The following IL1RAPL1 variants were observed in gnomAD, a reference collection of about 807,000 sequenced individuals.
IL1RAPL1 encodes the protein interleukin 1 receptor accessory protein like 1, also known as interleukin-1 receptor accessory protein-like 1.
Under a neutral mutation model 48.4 loss-of-function variants are expected in IL1RAPL1, and 3 were observed. That is an observed-to-expected ratio of 0.06 (90% CI 0.03 to 0.16). IL1RAPL1 has a LOEUF of 0.16. IL1RAPL1 is among the 10% of genes least tolerant of loss of function. IL1RAPL1 has a pLI of 1.00. For missense variants in IL1RAPL1, 349 were observed against 530.6 expected (o/e 0.66, Z 3.36); for synonymous variants, 185 against 187.7 (o/e 0.99, Z 0.12).
chrX:29,017,318 G>A lies in IL1RAPL1; in HGVS notation c.82+227893G>A, dbSNP rs1389164377. On this transcript the variant is annotated intron_variant, in intron 2 of 10. Coordinates refer to ENST00000378993, the MANE Select transcript of IL1RAPL1 (RefSeq NM_014271.4). ...CAATCTGCTTCTGTAGAATAAGAAT[G>A]AACGTGGAGTCTTTACCTGCTTATA... 5.4e-5 allele frequency among the ~76,000 whole-genome samples: 6 copies of A among 112,136 alleles called. No individual in the cohort carries two copies. The East Asian group carries it at 1.7e-3, about 31-fold the overall frequency.
intron 2 of IL1RAPL1, among the ~76,000 whole-genome samples, chrX:29,135,143 G>A (rs1345137076): frequency 9.0e-6 from 1 of 111,493 alleles, no homozygotes. Context: ...GCTTTGACTG[G>A]TTGATGCATA....
intron 3 of IL1RAPL1, among the ~76,000 whole-genome samples, chrX:29,389,355 CAAAA>C: frequency 1.9e-5 from 1 of 52,920 alleles, no homozygotes; most frequent in Admixed American, 2.4e-4. Flanking sequence ...GACTCCATCT[CAAAA>C]AAAAAAAAAA....
chrX:29,641,217 C>G (rs1925160244), intron 5 of IL1RAPL1, among the ~76,000 whole-genome samples: 1 of 111,338 alleles, frequency 9.0e-6, no homozygotes, highest in Admixed American at 9.4e-5. Flanking sequence ...CAAAGGAAAT[C>G]ACTAGTGAAT....
chrX:29,438,792 A>G (rs755083870), intron 5 of IL1RAPL1, among the ~76,000 whole-genome samples: 1 of 110,914 alleles, frequency 9.0e-6, no homozygotes, highest in African/African-American at 3.3e-5. Context: ...TTTATCCCCT[A>G]TCTAGGTATA....
At chrX:29,564,841 A>G (rs1057033234) in intron 5 of IL1RAPL1, among the ~76,000 whole-genome samples, 1 of 112,874 alleles carries the variant, frequency 8.9e-6, no homozygotes, top group Admixed American at 9.3e-5. Context: ...TCACGGTTCT[A>G]TAAGTCAGAA....
intron 2 of IL1RAPL1, among the ~76,000 whole-genome samples, chrX:28,897,865 G>GA (rs1274232832): frequency 1.8e-5 from 2 of 111,414 alleles, no homozygotes; most frequent in East Asian, 5.7e-4. Flanking sequence ...GTAGGTAAAG[G>GA]AAAATTACAG....
At chrX:28,733,534 A>G (rs1160583071) in intron 1 of IL1RAPL1, among the ~76,000 whole-genome samples, 4 of 111,526 alleles carry the variant, frequency 3.6e-5, no homozygotes, top group African/African-American at 1.3e-4. Flanking sequence ...TAGTTGACCT[A>G]TCAGCAACAA....
intron 1 of IL1RAPL1, among the ~76,000 whole-genome samples, chrX:28,641,001 G>C (rs960839741): frequency 1.8e-5 from 2 of 110,626 alleles, no homozygotes; most frequent in Non-Finnish European, 3.8e-5. Context: ...TCTCTAATAA[G>C]ATGGCCATAA....
chrX:29,336,304 GGTGTGTGTGT>G (rs375590826), intron 3 of IL1RAPL1, among the ~76,000 whole-genome samples: 3,481 of 70,805 alleles, frequency 0.049, 255 homozygotes, highest in African/African-American at 0.15. Flanking sequence ...ACCGTTTTGG[GGTGTGTGTGT>G]GTGTGTGTGT....
intron 6 of IL1RAPL1, among the ~76,000 whole-genome samples, chrX:29,716,941 G>A (rs1927500467): frequency 9.0e-6 from 1 of 110,566 alleles, no homozygotes; most frequent in South Asian, 3.8e-4. Flanking sequence ...ATTTTCTATT[G>A]ATATTGAATA....
chrX:29,030,604 G>A (rs1317385584), intron 2 of IL1RAPL1, among the ~76,000 whole-genome samples: 1 of 111,446 alleles, frequency 9.0e-6, no homozygotes, highest in African/African-American at 3.3e-5. Context: ...AAGTAAAATA[G>A]GACATTGACA....
At chrX:28,871,117 T>C (rs765692194) in intron 2 of IL1RAPL1, among the ~76,000 whole-genome samples, 9 of 112,010 alleles carry the variant, frequency 8.0e-5, no homozygotes, top group Non-Finnish European at 1.5e-4. Context: ...TCATTACATA[T>C]ACAAGTATGA....
chrX:29,451,371 T>G (rs1358705840), intron 5 of IL1RAPL1, among the ~76,000 whole-genome samples: 1 of 109,328 alleles, frequency 9.1e-6, no homozygotes, highest in Non-Finnish European at 1.9e-5. Flanking sequence ...ATTTTTTTAT[T>G]TTTAATAGAG....
intron 2 of IL1RAPL1, among the ~76,000 whole-genome samples, chrX:29,102,541 C>A (rs1272336262): frequency 9.1e-6 from 1 of 110,045 alleles, no homozygotes; most frequent in Non-Finnish European, 1.9e-5. Flanking sequence ...TGGCTCATGC[C>A]TGTGATCCCA....
chrX:29,453,175 T>A (rs1365808880), intron 5 of IL1RAPL1, among the ~76,000 whole-genome samples: 1 of 109,627 alleles, frequency 9.1e-6, no homozygotes, highest in African/African-American at 3.3e-5. Flanking sequence ...ATCCGCCACC[T>A]CGGCCTCCCA....
intron 5 of IL1RAPL1, among the ~76,000 whole-genome samples, chrX:29,486,829 A>C (rs1935102142): frequency 9.0e-6 from 1 of 110,980 alleles, no homozygotes; most frequent in African/African-American, 3.3e-5. Context: ...AAATTTTTAG[A>C]AAAAGGGAGT....
At chrX:29,068,497 T>C (rs1344206728) in intron 2 of IL1RAPL1, among the ~76,000 whole-genome samples, 1 of 112,398 alleles carries the variant, frequency 8.9e-6, no homozygotes, top group Non-Finnish European at 1.9e-5. Flanking sequence ...CCTGGAGGTA[T>C]AGGGAAAAGC....
intron 2 of IL1RAPL1, among the ~76,000 whole-genome samples, chrX:29,030,819 G>T (rs1325638559): frequency 9.0e-6 from 1 of 111,448 alleles, no homozygotes; most frequent in Non-Finnish European, 1.9e-5. Context: ...GAAGGCCAAA[G>T]ATAAGGTGAA....
intron 5 of IL1RAPL1, among the ~76,000 whole-genome samples, chrX:29,446,121 C>A (rs1029090813): frequency 2.7e-5 from 3 of 111,545 alleles, no homozygotes; most frequent in Non-Finnish European, 5.7e-5. Flanking sequence ...CAGTACCAAA[C>A]GGTTCTCAAG....
Sources: gnomAD v4.1 joint callset for allele counts (sites outside exome capture counted in the v4.1 genomes callset) on GRCh38, gnomAD v4.1.1 for gene constraint, MANE v1.5 for transcripts, NCBI Gene and HGNC (gene_info 2026-07-23, HGNC 2026-07-21) for gene names.